Variants in NMNAT3 observed in about 807,000 individuals in gnomAD.
NMNAT3 encodes the protein nicotinamide/nicotinic acid mononucleotide adenylyltransferase 3.
A neutral mutation model predicts 24.8 loss-of-function variants in NMNAT3; 21 were observed. The ratio of observed to expected loss-of-function variants is 0.85; its 90% CI spans 0.60 to 1.22. The LOEUF is 1.22. NMNAT3 is among the 50% of genes most tolerant of loss of function. The pLI is 0.00. For missense variants in NMNAT3, 387 were observed against 436.6 expected (o/e 0.89, Z 1.01); for synonymous variants, 136 against 155.2 (o/e 0.88, Z 0.92).
intron 2 of NMNAT3, 52 bp downstream of exon 2, chr3:139,637,911 G>A (rs1354886993): frequency 6.6e-6 from 1 of 152,108 alleles, no homozygotes; most frequent in East Asian, 1.9e-4. Context: ...CTGAGGGCAG[G>A]GATCCCACTG....
In NMNAT3 at chr3:139,573,643, T is replaced by G. The variant is rs1938798450; in HGVS notation, c.613A>C (p.Met205Leu). The change falls in exon 6 of 7, where the codon ATG becomes CTG. Residue 205 changes from methionine (M) to leucine (L), a missense_variant. This residue lies in a region of NMNAT3 where 323 missense variants were observed against 345.2 expected (regional missense o/e 0.94). Coordinates refer to ENST00000643695, the MANE Select transcript of NMNAT3 (RefSeq NM_001320510.2). ...GCCTTGCCATGGTCTGGGCCTTCCA[T>G]CTGGGGTGGAGATCTGAGCAGTTTG... 6.2e-7 allele frequency: 1 copy of G among 1,606,534 alleles called. No homozygotes were observed. Among genetic ancestry groups the G allele is most frequent in the Admixed American group, 1.7e-5 (1 of 58,566 alleles).
chr3:139,565,077 T>G (rs573937963), intron 6 of NMNAT3, among the ~76,000 whole-genome samples: 44 of 152,334 alleles, frequency 2.9e-4, no homozygotes, highest in African/African-American at 9.9e-4. Context: ...CCTTCATAAG[T>G]GTTTCTCCAC....
intron 6 of NMNAT3, chr3:139,567,707 G>A (rs1404030318): frequency 6.6e-6 from 1 of 152,186 alleles, no homozygotes; most frequent in Non-Finnish European, 1.5e-5. Flanking sequence ...GATCATGGTG[G>A]ATATGCTTTT....
At chr3:139,595,165 C>T (rs1401824551) in intron 3 of NMNAT3, among the ~76,000 whole-genome samples, 1 of 152,088 alleles carries the variant, frequency 6.6e-6, no homozygotes, top group Admixed American at 6.5e-5. Context: ...TATACACCAG[C>T]AACAGACAAA....
intron 1 of NMNAT3, among the ~76,000 whole-genome samples, chr3:139,655,139 TGA>T (rs1027922372): frequency 2.6e-5 from 4 of 152,206 alleles, no homozygotes; most frequent in Non-Finnish European, 2.9e-5. Context: ...CCTTGGAATG[TGA>T]GAGGCCATGG....
chr3:139,613,295 T>A (rs1051532642), intron 3 of NMNAT3, among the ~76,000 whole-genome samples: 4 of 151,826 alleles, frequency 2.6e-5, no homozygotes, highest in Non-Finnish European at 5.9e-5. Context: ...CAAGAAAAAA[T>A]CAAACAACCC....
chr3:139,571,746 C>T (rs116370741), intron 6 of NMNAT3, among the ~76,000 whole-genome samples: 1,792 of 152,022 alleles, frequency 0.012, 20 homozygotes, highest in South Asian at 0.029. Context: ...AACTGGGCCT[C>T]ACAGACAGAT....
intron 3 of NMNAT3, among the ~76,000 whole-genome samples, chr3:139,620,160 G>A (rs1052496140): frequency 7.0e-5 from 10 of 143,224 alleles, no homozygotes; most frequent in Admixed American, 2.1e-4. Context: ...CCTAAAGAAT[G>A]TATTGTATCT....
At chr3:139,591,225 C>G (rs901491225) in intron 3 of NMNAT3, among the ~76,000 whole-genome samples, 1 of 151,462 alleles carries the variant, frequency 6.6e-6, no homozygotes, top group East Asian at 1.9e-4. Flanking sequence ...CCTGGAAAAT[C>G]GGGTCACTCC....
rs372691677 is a variant in NMNAT3, at chr3:139,561,277, G to A, written c.774C>T (p.Cys258=). 5.1e-5 allele frequency: 83 copies of A among 1,613,778 alleles called. 1 individual carries two copies. The highest frequency in any genetic ancestry group is 2.0e-4 in the South Asian group (18 of 91,048). ...TTGGGTCGTGACCTACTCGGCCCAC[G>A]CACACCAAGCCAAACTTCTCCACTA... Residue 258 remains cysteine, a synonymous_variant, in exon 7 of 7, where the codon TGC becomes TGT. Transcript: ENST00000643695.
intron 1 of NMNAT3, among the ~76,000 whole-genome samples, chr3:139,643,032 A>G (rs2108361692): frequency 6.6e-6 from 1 of 152,306 alleles, no homozygotes; most frequent in Middle Eastern, 3.4e-3. Context: ...ACAAAAACAA[A>G]CAACCCAATT....
intron 1 of NMNAT3, among the ~76,000 whole-genome samples, chr3:139,657,322 T>C (rs918824869): frequency 2.6e-5 from 4 of 152,268 alleles, no homozygotes; most frequent in Non-Finnish European, 5.9e-5. Flanking sequence ...CCTTTAGACA[T>C]CAATTATAAC....
intron 6 of NMNAT3, chr3:139,569,318 A>G (rs2108026456): frequency 6.6e-6 from 1 of 152,290 alleles, no homozygotes; most frequent in South Asian, 2.1e-4. Flanking sequence ...TGTGTCTTTT[A>G]ATTGGAGCAT....
chr3:139,650,919 G>A (rs1235771566), intron 1 of NMNAT3, among the ~76,000 whole-genome samples: 1 of 152,038 alleles, frequency 6.6e-6, no homozygotes, highest in African/African-American at 2.4e-5. Context: ...CTTACAAAAA[G>A]GAATATCTGA....
chr3:139,632,312 C>G (rs113965821), intron 2 of NMNAT3, among the ~76,000 whole-genome samples: 2 of 152,120 alleles, frequency 1.3e-5, no homozygotes, highest in East Asian at 3.9e-4. Flanking sequence ...CCACTTCACC[C>G]GACTCAATCT....
chr3:139,673,808 G>GAA (rs1021622770), intron 1 of NMNAT3, among the ~76,000 whole-genome samples: 6 of 152,132 alleles, frequency 3.9e-5, no homozygotes, highest in South Asian at 4.2e-4. Flanking sequence ...GAGAGAGAGA[G>GAA]AAACAACGTG....
At chr3:139,663,041 TTA>T (rs1396193950) in intron 1 of NMNAT3, among the ~76,000 whole-genome samples, 3 of 152,224 alleles carry the variant, frequency 2.0e-5, no homozygotes, top group Non-Finnish European at 2.9e-5. Flanking sequence ...CACACATTTA[TTA>T]TCTTATAGTT....
intron 1 of NMNAT3, among the ~76,000 whole-genome samples, chr3:139,656,913 T>C (rs751444167): frequency 5.3e-5 from 8 of 152,226 alleles, no homozygotes; most frequent in African/African-American, 1.9e-4. Flanking sequence ...AAATCACTAG[T>C]AACTAAAAGT....
chr3:139,622,447 T>C (rs886911364), intron 3 of NMNAT3, among the ~76,000 whole-genome samples: 5 of 127,282 alleles, frequency 3.9e-5, no homozygotes, highest in African/African-American at 1.3e-4. Context: ...GTATAAAAGA[T>C]AAACACGCCA....
Sources: allele counts gnomAD v4.1 joint callset (sites outside exome capture counted in the v4.1 genomes callset), GRCh38; gene constraint gnomAD v4.1.1; regional missense constraint gnomAD v4.1.1; transcripts MANE v1.5; gene names NCBI Gene and HGNC (gene_info 2026-07-23, HGNC 2026-07-21).